PLCG2: variants seen among roughly 807,000 people sequenced by gnomAD.
PLCG2 encodes phospholipase C gamma 2, also known as 1-phosphatidylinositol 4,5-bisphosphate phosphodiesterase gamma-2.
In PLCG2, 69 loss-of-function variants were observed where a neutral mutation model predicts 175.6. That is an observed-to-expected ratio of 0.39 (90% CI 0.32 to 0.48). The LOEUF (loss-of-function observed/expected upper bound fraction) is 0.48, where lower values mean the gene tolerates loss of function less well. PLCG2 is among the 20% of genes least tolerant of loss of function. The probability of loss-of-function intolerance (pLI) is 0.91; values close to 1 mark genes in which losing one functional copy is unlikely to be tolerated. For synonymous variants in PLCG2, 827 were observed against 624.0 expected (o/e 1.33, Z -4.85); for missense variants, 1,798 against 1,650.9 (o/e 1.09, Z -1.54).
intron 5 of PLCG2, among the ~76,000 whole-genome samples, chr16:81,860,553 T>A (rs748754908): frequency 1.1e-4 from 16 of 152,214 alleles, no homozygotes; most frequent in Non-Finnish European, 1.6e-4. Context: ...TTGATCTTTG[T>A]TCATCTGCAA....
At chr16:81,782,953 T>C (rs1910805945) in intron 1 of PLCG2, among the ~76,000 whole-genome samples, 1 of 152,200 alleles carries the variant, frequency 6.6e-6, no homozygotes, top group Admixed American at 6.5e-5. Flanking sequence ...TGTGAGCAGC[T>C]ATTACAAAGC....
At chr16:81,835,417 G>A (rs1422236713) in intron 2 of PLCG2, among the ~76,000 whole-genome samples, 2 of 151,808 alleles carry the variant, frequency 1.3e-5, no homozygotes, top group Non-Finnish European at 2.9e-5. Context: ...CCAACATGGC[G>A]AAACCCCATC....
chr16:81,816,791 G>A lies in PLCG2; in HGVS notation c.193+30609G>A, dbSNP rs141891101. 6.7e-5 allele frequency among the ~76,000 whole-genome samples: 10 copies of A among 149,632 alleles called. No individual in the cohort carries two copies. The East Asian group carries it at 7.9e-4, about 12-fold the overall frequency. ...TGCTGGGATTACAGGCATTAGCCACGGTGCCCAGCCAGAAATTATGACTTA... is the reference window on the plus strand; with the variant it reads ...TGCTGGGATTACAGGCATTAGCCACAGTGCCCAGCCAGAAATTATGACTTA... On this transcript the variant is annotated intron_variant, in intron 2 of 32. Coordinates refer to ENST00000564138, the MANE Select transcript of PLCG2 (RefSeq NM_002661.5).
chr16:81,866,320 G>A (rs550629419), intron 5 of PLCG2, among the ~76,000 whole-genome samples: 3 of 139,226 alleles, frequency 2.2e-5, no homozygotes, highest in Non-Finnish European at 4.7e-5. Context: ...CTCCACTGGG[G>A]CACCAGCATG....
At chr16:81,929,503 C>G (rs1018929044) in intron 24 of PLCG2, among the ~76,000 whole-genome samples, 1 of 152,218 alleles carries the variant, frequency 6.6e-6, no homozygotes, top group Non-Finnish European at 1.5e-5. Flanking sequence ...TCAAGTGATT[C>G]TCCTGCCTCA....
chr16:81,784,643 C>T (rs1253246119), intron 1 of PLCG2, among the ~76,000 whole-genome samples: 1 of 152,186 alleles, frequency 6.6e-6, no homozygotes, highest in Non-Finnish European at 1.5e-5. Context: ...GTAATTTTAA[C>T]AATAGCTTAA....
rs566339012 is a variant in PLCG2 at position 81,819,930 on chromosome 16, A to G, written c.193+33748A>G. Among the ~76,000 whole-genome samples, 10 of 152,286 alleles carry G rather than the reference A, an allele frequency of 6.6e-5. No homozygotes were observed. The South Asian group carries it at 2.1e-3, about 32-fold the overall frequency. On this transcript the variant is annotated intron_variant, in intron 2 of 32. Transcript: ENST00000564138. Reference sequence around the variant, plus strand: ...CATTTAGTAGGTCTTATTTTCCATTATCAGAGAAATGCAGATTCATTCTAG... The same window carrying G: ...CATTTAGTAGGTCTTATTTTCCATTGTCAGAGAAATGCAGATTCATTCTAG...
chr16:81,886,119 G>T (rs1908349222), intron 9 of PLCG2, among the ~76,000 whole-genome samples: 1 of 152,110 alleles, frequency 6.6e-6, no homozygotes, highest in South Asian at 2.1e-4. Flanking sequence ...AAATTCTTGG[G>T]GACAAGTAGC....
intron 3 of PLCG2, among the ~76,000 whole-genome samples, chr16:81,855,712 G>C (rs1349099616): frequency 6.6e-6 from 1 of 152,214 alleles, no homozygotes. Context: ...TTCCAGGGAA[G>C]CTTGGCAGAG....
intron 19 of PLCG2, among the ~76,000 whole-genome samples, chr16:81,913,132 C>T (rs1419418651): frequency 6.6e-6 from 1 of 152,192 alleles, no homozygotes; most frequent in Non-Finnish European, 1.5e-5. Context: ...CTCCCAACTG[C>T]AGCTGCTGCC....
At chr16:81,884,922 C>T (rs1008595743) in intron 9 of PLCG2, among the ~76,000 whole-genome samples, 2 of 152,098 alleles carry the variant, frequency 1.3e-5, no homozygotes, top group East Asian at 3.9e-4. Flanking sequence ...CTCACTCACC[C>T]CCTTGCCCAG....
Position 81,936,183 on chromosome 16 carries a change from C to G in PLCG2, c.2857C>G (p.Arg953Gly), listed in dbSNP as rs1278946830. ...TKDNLENPDF[R>G]EIRSFVETKA... Reference sequence around the variant, plus strand: ...TCTGTGTGCAGAAAATCCTGACTTCCGAGAAATCCGCTCCTTTGTGGAGAC... The same window carrying G: ...TCTGTGTGCAGAAAATCCTGACTTCGGAGAAATCCGCTCCTTTGTGGAGAC... The change falls in exon 27 of 33, where the codon CGA becomes GGA. Residue 953 changes from arginine (R) to glycine (G), a missense_variant. Arg to Gly is a moderately radical substitution (Grantham distance 125, BLOSUM62 -2). Transcript: ENST00000564138. 2 of 1,614,018 alleles carry G rather than the reference C, an allele frequency of 1.2e-6. No homozygotes were observed.
intron 7 of PLCG2, among the ~76,000 whole-genome samples, chr16:81,874,908 A>G (rs1297585548): frequency 7.6e-6 from 1 of 131,752 alleles, no homozygotes; most frequent in African/African-American, 3.0e-5. Context: ...GATAGCCAAC[A>G]TTTTCTCAGG....
intron 2 of PLCG2, among the ~76,000 whole-genome samples, chr16:81,808,448 A>C (rs1904291987): frequency 6.6e-6 from 1 of 152,026 alleles, no homozygotes; most frequent in Non-Finnish European, 1.5e-5. Flanking sequence ...ACTGAGTTTG[A>C]GTCTCAGCTC....
At position 81,919,523 on chromosome 16, in the gene PLCG2, C is replaced by G. The variant is rs143195637; in HGVS notation, c.2094C>G (p.Asp698Glu). The change falls in exon 20 of 33, where the codon GAC becomes GAG. Residue 698 changes from aspartate to glutamate, a missense_variant. Coordinates refer to ENST00000564138, the MANE Select transcript of PLCG2 (RefSeq NM_002661.5). ...TAAAGCATTGTCGCATCAACCGGGA[C>G]GGCCGGCACTTTGTGCTGGGGACCT... ...GKVKHCRINRDGRHFVLGTSA... is the reference protein window; with the variant it reads ...GKVKHCRINREGRHFVLGTSA... 6.2e-7 allele frequency: 1 copy of G among 1,614,116 alleles called. No individual in the cohort carries two copies. The highest frequency in any genetic ancestry group is 8.5e-7 in the Non-Finnish European group (1 of 1,180,012).
intron 2 of PLCG2, among the ~76,000 whole-genome samples, chr16:81,849,878 T>G (rs542682429): frequency 2.0e-5 from 3 of 152,246 alleles, no homozygotes; most frequent in Admixed American, 1.3e-4. Flanking sequence ...AATGTTTGCT[T>G]AAAGTCACTA....
At chr16:81,915,529 T>C (rs1031488658) in intron 19 of PLCG2, among the ~76,000 whole-genome samples, 3 of 152,254 alleles carry the variant, frequency 2.0e-5, no homozygotes, top group African/African-American at 7.2e-5. Context: ...CCCCTTCTGA[T>C]TCTCTTTTCT....
intron 2 of PLCG2, among the ~76,000 whole-genome samples, chr16:81,818,719 A>G (rs931689209): frequency 1.3e-5 from 2 of 151,804 alleles, no homozygotes; most frequent in African/African-American, 4.8e-5. Context: ...AACTTCCATC[A>G]TGATGCCCCT....
chr16:81,808,772 C>A (rs755890243), intron 2 of PLCG2, among the ~76,000 whole-genome samples: 2 of 152,122 alleles, frequency 1.3e-5, no homozygotes, highest in Non-Finnish European at 2.9e-5. Context: ...GGATTACAGG[C>A]GTGAGCCACC....
Sources: gnomAD v4.1 joint callset for allele counts (sites outside exome capture counted in the v4.1 genomes callset) on GRCh38, gnomAD v4.1.1 for gene constraint, MANE v1.5 for transcripts, NCBI Gene and HGNC (gene_info 2026-07-23, HGNC 2026-07-21) for gene names.